Variants in CNTN5 observed in about 807,000 individuals in gnomAD.
CNTN5 encodes the protein contactin 5, also known as contactin-5.
A neutral mutation model predicts 129.1 loss-of-function variants in CNTN5; 77 were observed. That is an observed-to-expected ratio of 0.60 (90% CI 0.50 to 0.72). The LOEUF (loss-of-function observed/expected upper bound fraction) is 0.72, where lower values mean the gene tolerates loss of function less well. CNTN5 is among the 30% of genes least tolerant of loss of function. The pLI is 0.00. For synonymous variants in CNTN5, 509 were observed against 465.6 expected, an observed-to-expected ratio of 1.09 and a Z score of -1.20; for missense variants, 1,478 against 1,328.8, an observed-to-expected ratio of 1.11 and a Z score of -1.75.
At position 100,138,070 on chromosome 11, in the gene CNTN5, G is replaced by A. The variant is rs200085857; in HGVS notation, c.1581-53056G>A. On this transcript the variant is annotated intron_variant, in intron 13 of 24. Coordinates refer to ENST00000524871, the MANE Select transcript of CNTN5 (RefSeq NM_014361.4). The stretch of plus-strand genomic sequence containing the variant: ...ATGACGGAAAGGGAAATGAAGGACA[G>A]AGAGTCATCTGGATTCAACTTGGGT... 4.6e-5 allele frequency among the ~76,000 whole-genome samples: 7 copies of A among 152,184 alleles called. No individual in the cohort carries two copies. In the East Asian group the frequency reaches 1.4e-3, roughly 29 times the overall value.
rs1038978920 is a variant in CNTN5 at position 99,803,261 on chromosome 11, C to A, written c.56-16283C>A. 1.3e-5 allele frequency among the ~76,000 whole-genome samples: 2 copies of A among 152,190 alleles called. 1 individual carries two copies. Among genetic ancestry groups the A allele is most frequent in the Admixed American group, 1.3e-4 (2 of 15,284 alleles). On this transcript the variant is annotated intron_variant, in intron 3 of 24. Transcript: ENST00000524871. ...TCAGTTGGAACACCCAGCAATGATA[C>A]CCAGATGAGTTCCAGTTCACCGAGC...
At chr11:99,418,456 A>G (rs1404737107) in intron 2 of CNTN5, among the ~76,000 whole-genome samples, 1 of 152,216 alleles carries the variant, frequency 6.6e-6, no homozygotes, top group Non-Finnish European at 1.5e-5. Context: ...AAAGCGCTCA[A>G]GTTCAGATAA....
At chr11:99,410,291 A>T (rs1380556839) in intron 2 of CNTN5, among the ~76,000 whole-genome samples, 2 of 152,232 alleles carry the variant, frequency 1.3e-5, no homozygotes, top group African/African-American at 2.4e-5. Flanking sequence ...TTATAAAATT[A>T]TAAGAAGGTC....
intron 15 of CNTN5, among the ~76,000 whole-genome samples, chr11:100,199,225 G>A (rs1948717492): frequency 6.6e-6 from 1 of 151,432 alleles, no homozygotes; most frequent in Admixed American, 6.6e-5. Flanking sequence ...TCTAACAAAG[G>A]CTCACAGTCT....
chr11:99,971,497 C>T lies in CNTN5; in HGVS notation c.877+14488C>T, dbSNP rs538984549. Among the ~76,000 whole-genome samples, 11 of 151,766 alleles carry T rather than the reference C, an allele frequency of 7.2e-5. 1 individual carries two copies. The highest frequency in any genetic ancestry group is 2.2e-4 in the African/African-American group (9 of 41,256). ...GGCGGAGGTTGCAGTGAGCTGAGAT[C>T]GTGCCACTGCACTCCAGCCTGGTGA... On this transcript the variant is annotated intron_variant, in intron 8 of 24. Transcript: ENST00000524871.
intron 1 of CNTN5, among the ~76,000 whole-genome samples, chr11:99,245,646 A>G (rs1861779215): frequency 6.6e-6 from 1 of 152,140 alleles, no homozygotes; most frequent in Admixed American, 6.6e-5. Flanking sequence ...TATATATGCT[A>G]TGGACAGTAG....
chr11:100,291,788 A>C (rs896424156), intron 18 of CNTN5, among the ~76,000 whole-genome samples: 18 of 52,534 alleles, frequency 3.4e-4, no homozygotes, highest in Non-Finnish European at 1.1e-3. Flanking sequence ...TAAATAAATA[A>C]AAAATATAAA....
At chr11:99,035,954 AG>A (rs1388469900) in intron 1 of CNTN5, among the ~76,000 whole-genome samples, 7 of 151,742 alleles carry the variant, frequency 4.6e-5, no homozygotes, top group Non-Finnish European at 2.9e-5. Context: ...GAGCTCTTTT[AG>A]GGCAGGCCTG....
At position 100,152,597 on chromosome 11, in the gene CNTN5, C is replaced by T. The variant is rs1591322379; in HGVS notation, c.1581-38529C>T. 2.0e-5 allele frequency among the ~76,000 whole-genome samples: 3 copies of T among 152,184 alleles called. 1 individual carries two copies. The highest frequency in any genetic ancestry group is 1.9e-4 in the East Asian group (1 of 5,154). On this transcript the variant is annotated intron_variant, in intron 13 of 24. Transcript: ENST00000524871. ...TCATTGATTGATTGAAAATAATTGA[C>T]TTCTTATTCCTTGAGATTTTCCCCA...
chr11:99,582,285 A>C (rs1407345826), intron 3 of CNTN5, among the ~76,000 whole-genome samples: 2 of 152,130 alleles, frequency 1.3e-5, no homozygotes, highest in African/African-American at 2.4e-5. Context: ...AACTTTGATG[A>C]ATCTGACAAT....
At chr11:99,866,871 C>T (rs115687215) in intron 6 of CNTN5, among the ~76,000 whole-genome samples, 1 of 152,200 alleles carries the variant, frequency 6.6e-6, no homozygotes, top group Non-Finnish European at 1.5e-5. Context: ...TTACCAATCC[C>T]TCTTCACCCT....
chr11:99,428,559 CAAAAA>C (rs60754666), intron 2 of CNTN5, among the ~76,000 whole-genome samples: 1 of 57,314 alleles, frequency 1.7e-5, no homozygotes, highest in Admixed American at 1.7e-4. Context: ...GACCCTGTCT[CAAAAA>C]AAAAAAAAAA....
intron 2 of CNTN5, among the ~76,000 whole-genome samples, chr11:99,388,807 A>G (rs1421196695): frequency 1.3e-5 from 2 of 152,120 alleles, no homozygotes; most frequent in African/African-American, 2.4e-5. Context: ...ACCACTTTCT[A>G]TGATAGGAAC....
chr11:99,949,620 A>G (rs1351637296), intron 7 of CNTN5, among the ~76,000 whole-genome samples: 1 of 152,146 alleles, frequency 6.6e-6, no homozygotes, highest in African/African-American at 2.4e-5. Flanking sequence ...ATTCAATACA[A>G]CGTAAATTAA....
chr11:100,170,068 C>A (rs1475351948), intron 13 of CNTN5, among the ~76,000 whole-genome samples: 3 of 151,968 alleles, frequency 2.0e-5, no homozygotes, highest in Non-Finnish European at 2.9e-5. Flanking sequence ...GTTCCTGACC[C>A]ATGGAAGGCA....
chr11:99,615,074 TA>T (rs1950718722), intron 3 of CNTN5, among the ~76,000 whole-genome samples: 1 of 143,578 alleles, frequency 7.0e-6, no homozygotes, highest in African/African-American at 2.5e-5. Context: ...CATAAATATA[TA>T]AAAATATATA....
At chr11:99,880,843 T>A (rs934998553) in intron 6 of CNTN5, among the ~76,000 whole-genome samples, 3 of 152,208 alleles carry the variant, frequency 2.0e-5, no homozygotes, top group Non-Finnish European at 4.4e-5. Flanking sequence ...AAAACTCACC[T>A]CTACCACTTC....
intron 4 of CNTN5, among the ~76,000 whole-genome samples, chr11:99,827,444 A>G (rs997099630): frequency 6.6e-6 from 1 of 152,118 alleles, no homozygotes; most frequent in Non-Finnish European, 1.5e-5. Context: ...GTGTGTCCTG[A>G]AATGTTTTCA....
At position 100,271,100 on chromosome 11, in the gene CNTN5, A is replaced by G. The variant is rs774627892; in HGVS notation, c.2173A>G (p.Ile725Val). ...GWQTVKTVPE[I>V]ITGDMESAMA... ...TTCCTTCCTTTCTATAGTCCCAGAA[A>G]TCATAACAGGGGACATGGAGTCAGC... The change falls in exon 18 of 25, where the codon ATC (isoleucine) becomes GTC (valine). Residue 725 changes from isoleucine (I) to valine (V), a missense_variant. Ile to Val is a conservative substitution (Grantham distance 29). Transcript: ENST00000524871. 1.2e-6 allele frequency: 2 copies of G among 1,600,482 alleles called. No individual in the cohort carries two copies. The highest frequency in any genetic ancestry group is 1.3e-5 in the African/African-American group (1 of 74,166).
Sources: gnomAD v4.1 joint callset for allele counts (sites outside exome capture counted in the v4.1 genomes callset) on GRCh38, gnomAD v4.1.1 for gene constraint, MANE v1.5 for transcripts, NCBI Gene and HGNC (gene_info 2026-07-23, HGNC 2026-07-21) for gene names.